TBCK: variants seen among roughly 807,000 people sequenced by gnomAD.
TBCK encodes TBC domain-containing protein kinase-like protein.
A neutral mutation model predicts 113.4 loss-of-function variants in TBCK; 99 were observed. That is an observed-to-expected ratio of 0.87 (90% CI 0.74 to 1.03). The LOEUF (loss-of-function observed/expected upper bound fraction) is 1.03, where lower values mean the gene tolerates loss of function less well. Ranked by LOEUF, TBCK falls within the 50% of genes least tolerant of loss-of-function variation. TBCK has a pLI of 0.00. For missense variants in TBCK, 1,045 were observed against 1,061.3 expected (o/e 0.98, Z 0.21); for synonymous variants, 369 against 370.8 (o/e 1.00, Z 0.05).
chr4:106,235,417 CT>C, intron 14 of TBCK, 50 bp from the exon 15 acceptor site: 1 of 1,301,504 alleles, frequency 7.7e-7, no homozygotes, highest in Non-Finnish European at 1.1e-6. Flanking sequence ...CTAGTGCCAT[CT>C]TTTAGTCTAG....
intron 20 of TBCK, among the ~76,000 whole-genome samples, chr4:106,198,633 T>C (rs1754527622): frequency 6.6e-6 from 1 of 152,154 alleles, no homozygotes; most frequent in South Asian, 2.1e-4. Context: ...ATATATAATA[T>C]AGTTGTATTA....
intron 3 of TBCK, among the ~76,000 whole-genome samples, chr4:106,293,519 C>T (rs1765943282): frequency 1.3e-5 from 2 of 152,044 alleles, no homozygotes; most frequent in Non-Finnish European, 2.9e-5. Context: ...TTGTATCATC[C>T]CAAAATCATC....
At chr4:106,300,879 T>G (rs906654362) in intron 2 of TBCK, among the ~76,000 whole-genome samples, 5 of 152,090 alleles carry the variant, frequency 3.3e-5, no homozygotes, top group Non-Finnish European at 7.4e-5. Context: ...GACGGGAGGA[T>G]CACTTTAAGC....
chr4:106,106,003 G>T (rs978194138), intron 24 of TBCK, among the ~76,000 whole-genome samples: 2 of 151,878 alleles, frequency 1.3e-5, no homozygotes, highest in Non-Finnish European at 2.9e-5. Flanking sequence ...ACAATCTCCA[G>T]TATTAACAGC....
rs563589020 is a variant in TBCK, at chr4:106,245,899, C to T, written c.932-1135G>A. ...GCACTTTCATTTAGATCCCATTAGC[C>T]AACTCTAGTTCACAAGCTTACTGCC... On this transcript the variant is annotated intron_variant, in intron 10 of 25. Coordinates refer to ENST00000394708, the MANE Select transcript of TBCK (RefSeq NM_001163435.3). 2.0e-5 allele frequency among the ~76,000 whole-genome samples: 3 copies of T among 152,136 alleles called. No individual in the cohort carries two copies. The South Asian group carries it at 6.2e-4, about 32-fold the overall frequency.
At chr4:106,197,409 G>GTATATATATATATATATATATA (rs750387268) in intron 20 of TBCK, among the ~76,000 whole-genome samples, 1 of 77,052 alleles carries the variant, frequency 1.3e-5, no homozygotes, top group African/African-American at 3.3e-5. Flanking sequence ...GTGTGTGTGT[G>GTATATATATATATATATATATA]TGTATATATA....
At chr4:106,106,213 A>G (rs1029881976) in intron 24 of TBCK, among the ~76,000 whole-genome samples, 15 of 152,216 alleles carry the variant, frequency 9.9e-5, no homozygotes, top group Admixed American at 6.5e-4. Flanking sequence ...CAACTTGGAA[A>G]ATGTATTTCA....
intron 23 of TBCK, among the ~76,000 whole-genome samples, chr4:106,160,804 T>G (rs781720221): frequency 6.6e-6 from 1 of 152,084 alleles, no homozygotes; most frequent in Non-Finnish European, 1.5e-5. Context: ...CTTGAAGAGA[T>G]ATTTATACAC....
chr4:106,119,489 T>C (rs537538687), intron 23 of TBCK, among the ~76,000 whole-genome samples: 1 of 152,240 alleles, frequency 6.6e-6, no homozygotes, highest in South Asian at 2.1e-4. Context: ...GACCCCTATC[T>C]CTTACTATAT....
At chr4:106,174,023 T>C (rs1162743927) in intron 22 of TBCK, among the ~76,000 whole-genome samples, 1 of 152,110 alleles carries the variant, frequency 6.6e-6, no homozygotes, top group East Asian at 1.9e-4. Context: ...GTATTAGATC[T>C]TTCAGAAATA....
intron 23 of TBCK, among the ~76,000 whole-genome samples, chr4:106,146,497 C>G (rs1329580778): frequency 6.6e-6 from 1 of 152,150 alleles, no homozygotes; most frequent in Non-Finnish European, 1.5e-5. Context: ...GGGTACTGAG[C>G]TCAATACCTG....
intron 22 of TBCK, among the ~76,000 whole-genome samples, chr4:106,190,496 G>A (rs1435022283): frequency 1.3e-5 from 2 of 152,142 alleles, no homozygotes; most frequent in Non-Finnish European, 2.9e-5. Flanking sequence ...CTGCTGCTTA[G>A]ATGAATATGA....
intron 23 of TBCK, among the ~76,000 whole-genome samples, chr4:106,124,609 C>T (rs1469391871): frequency 2.0e-5 from 3 of 152,022 alleles, no homozygotes; most frequent in Non-Finnish European, 2.9e-5. Context: ...CCCAAATGTC[C>T]AACAATGATA....
At chr4:106,109,357 C>T (rs971818518) in intron 24 of TBCK, among the ~76,000 whole-genome samples, 5 of 152,102 alleles carry the variant, frequency 3.3e-5, no homozygotes, top group African/African-American at 1.2e-4. Context: ...AGACATCATG[C>T]TACCCAACTT....
At chr4:106,189,370 C>T (rs1438824685) in intron 22 of TBCK, among the ~76,000 whole-genome samples, 1 of 137,280 alleles carries the variant, frequency 7.3e-6, no homozygotes, top group East Asian at 2.1e-4. Flanking sequence ...GAAAAATAGA[C>T]ATGCATGACA....
intron 25 of TBCK, among the ~76,000 whole-genome samples, chr4:106,047,389 T>C (rs1211149431): frequency 6.6e-6 from 1 of 152,218 alleles, no homozygotes; most frequent in East Asian, 1.9e-4. Flanking sequence ...AATCCCAATA[T>C]AGCATACTGC....
intron 25 of TBCK, among the ~76,000 whole-genome samples, chr4:106,069,024 T>C (rs1737024105): frequency 6.6e-6 from 1 of 152,202 alleles, no homozygotes; most frequent in South Asian, 2.1e-4. Context: ...GTTTAAGTTC[T>C]TTATAGATTC....
intron 23 of TBCK, among the ~76,000 whole-genome samples, chr4:106,119,450 G>A (rs1318539578): frequency 1.3e-5 from 2 of 152,142 alleles, no homozygotes; most frequent in East Asian, 3.9e-4. Flanking sequence ...TAGAAAAACT[G>A]AATATCTATA....
At chr4:106,250,594 A>C (rs1250984053) in intron 6 of TBCK, 116 bp from the exon 7 acceptor site, 1 of 570,396 alleles carries the variant, frequency 1.8e-6, no homozygotes, top group East Asian at 3.1e-5. Context: ...TTATCTCCAA[A>C]AGTTTTAATG....
Sources: allele counts gnomAD v4.1 joint callset (sites outside exome capture counted in the v4.1 genomes callset), GRCh38; gene constraint gnomAD v4.1.1; transcripts MANE v1.5; gene names NCBI Gene and HGNC (gene_info 2026-07-23, HGNC 2026-07-21).